KLRG2: variants seen among roughly 807,000 people sequenced by gnomAD.
KLRG2 encodes the protein killer cell lectin like receptor G2.
KLRG2 carries 39 observed loss-of-function variants against 35.4 expected under a neutral mutation model. The ratio of observed to expected loss-of-function variants is 1.10; its 90% CI spans 0.85 to 1.44. The LOEUF (loss-of-function observed/expected upper bound fraction) is 1.44, where lower values mean the gene tolerates loss of function less well. KLRG2 is among the 40% of genes most tolerant of loss of function. The probability of loss-of-function intolerance (pLI) is 0.00; values close to 1 mark genes in which losing one functional copy is unlikely to be tolerated. For synonymous variants in KLRG2, 283 were observed against 265.8 expected (o/e 1.06, Z -0.63); for missense variants, 632 against 570.9 (o/e 1.11, Z -1.09).
chr7:139,445,377 C>G, the KLRG2 span, among the ~76,000 whole-genome samples: 1 of 152,284 alleles, frequency 6.6e-6, no homozygotes, highest in South Asian at 2.1e-4. Context: ...GCTGGGCTGG[C>G]ATCATTCTAA....
chr7:139,480,278 T>A (rs768546510), intron 1 of KLRG2, 31 bp from the exon 2 acceptor site: 3 of 1,293,968 alleles, frequency 2.3e-6, no homozygotes, highest in Middle Eastern at 3.7e-4. Context: ...ATAATCAGAT[T>A]AGTGGAGACC....
the KLRG2 span, among the ~76,000 whole-genome samples, chr7:139,438,924 C>T: frequency 2.5e-5 from 3 of 121,432 alleles, no homozygotes; most frequent in South Asian, 1.1e-3. Flanking sequence ...ATCCCCTCCC[C>T]CCCCCCACCC....
intron 3 of KLRG2, among the ~76,000 whole-genome samples, chr7:139,456,698 G>T (rs1307628531): frequency 6.6e-6 from 1 of 152,118 alleles, no homozygotes; most frequent in Non-Finnish European, 1.5e-5. Flanking sequence ...CGTTGTCCAG[G>T]CTGGCCTTGA....
rs570750412 is a variant in KLRG2 at position 139,458,222 on chromosome 7, A to G, written c.1006-4008T>C. ...GTGAGACCCTGTCTCTACAAAAAATACAAATATTAACCAGGTGTGGTGGCA... is the reference window on the plus strand; with the variant it reads ...GTGAGACCCTGTCTCTACAAAAAATGCAAATATTAACCAGGTGTGGTGGCA... On this transcript the variant is annotated intron_variant, in intron 3 of 4. Coordinates refer to ENST00000340940, the MANE Select transcript of KLRG2 (RefSeq NM_198508.4). Among the ~76,000 whole-genome samples the G allele has an allele frequency of 7.2e-5, 11 of 152,156 alleles. No individual in the cohort carries two copies. The East Asian group carries it at 2.1e-3, about 29-fold the overall frequency.
intron 3 of KLRG2, among the ~76,000 whole-genome samples, chr7:139,478,075 G>GA (rs1181623603): frequency 6.9e-6 from 1 of 144,740 alleles, no homozygotes; most frequent in African/African-American, 2.5e-5. Flanking sequence ...TTTTTAAATG[G>GA]GGAAAAAAAA....
chr7:139,465,875 C>T (rs11766090), intron 3 of KLRG2, among the ~76,000 whole-genome samples: 11,005 of 152,042 alleles, frequency 0.072, 485 homozygotes, highest in Middle Eastern at 0.16. Context: ...CATCTGGCCA[C>T]TCCCACCTAC....
chr7:139,439,917 T>C, the KLRG2 span, among the ~76,000 whole-genome samples: 3 of 152,210 alleles, frequency 2.0e-5, no homozygotes, highest in African/African-American at 7.2e-5. Flanking sequence ...AAATTTATTC[T>C]GTCACAGTTC....
the KLRG2 span, among the ~76,000 whole-genome samples, chr7:139,446,795 ACCT>A: frequency 1.3e-5 from 2 of 150,446 alleles, no homozygotes; most frequent in Non-Finnish European, 3.0e-5. Flanking sequence ...CTGACATCCA[ACCT>A]CCTCCTCCTT....
Position 139,483,566 on chromosome 7 carries a change from A to G in KLRG2, c.77T>C (p.Val26Ala). The change falls in exon 1 of 5, where the codon GTC (valine) becomes GCC (alanine). Residue 26 changes from valine (V) to alanine (A), a missense_variant. Coordinates refer to ENST00000340940, the MANE Select transcript of KLRG2 (RefSeq NM_198508.4). ...CACCTGCGGCTGCTCCAGCGTGGGGACCAGGCTTCCCACGGGCTCCATTGG... is the reference window on the plus strand; with the variant it reads ...CACCTGCGGCTGCTCCAGCGTGGGGGCCAGGCTTCCCACGGGCTCCATTGG... ...ELPMEPVGSL[V>A]PTLEQPQVPA... 6.3e-7 allele frequency: 1 copy of G among 1,598,082 alleles called. No individual in the cohort carries two copies. Among genetic ancestry groups the G allele is most frequent in the Non-Finnish European group, 8.5e-7 (1 of 1,178,762 alleles).
chr7:139,468,221 G>A (rs1796699096), intron 3 of KLRG2, among the ~76,000 whole-genome samples: 1 of 152,016 alleles, frequency 6.6e-6, no homozygotes, highest in African/African-American at 2.4e-5. Flanking sequence ...GGAACTCAGA[G>A]GCTGGCGGGA....
At chr7:139,449,310 C>T (rs113217245), downstream of KLRG2, among the ~76,000 whole-genome samples, 4 of 139,288 alleles carry the variant, frequency 2.9e-5, no homozygotes, top group East Asian at 6.7e-4. Flanking sequence ...CTGAGGCAGG[C>T]GAATCACTGG....
At chr7:139,465,410 T>C (rs996129253) in intron 3 of KLRG2, among the ~76,000 whole-genome samples, 5 of 152,152 alleles carry the variant, frequency 3.3e-5, no homozygotes, top group Non-Finnish European at 5.9e-5. Flanking sequence ...GAGGCTAGAG[T>C]CACCGGGCGC....
At chr7:139,480,468 C>T (rs1585179041) in intron 1 of KLRG2, among the ~76,000 whole-genome samples, 1 of 100,686 alleles carries the variant, frequency 9.9e-6, no homozygotes, top group Non-Finnish European at 1.8e-5. Context: ...TTTTTGGAGA[C>T]AGAGTCTTGC....
intron 3 of KLRG2, among the ~76,000 whole-genome samples, chr7:139,457,118 C>T (rs1796491087): frequency 6.6e-6 from 1 of 152,180 alleles, no homozygotes; most frequent in African/African-American, 2.4e-5. Flanking sequence ...ATCCTAAAGA[C>T]CAGAGTGCAT....
At chr7:139,430,415 G>T in the KLRG2 span, among the ~76,000 whole-genome samples, 1 of 149,700 alleles carries the variant, frequency 6.7e-6, no homozygotes, top group Admixed American at 6.6e-5. Context: ...AAAAAAAAAA[G>T]TTAAAACTAT....
At chr7:139,467,340 C>CAT (rs1455257027) in intron 3 of KLRG2, among the ~76,000 whole-genome samples, 1 of 152,098 alleles carries the variant, frequency 6.6e-6, no homozygotes, top group Non-Finnish European at 1.5e-5. Context: ...GTGACCTGCA[C>CAT]ATATATATAC....
intron 3 of KLRG2, among the ~76,000 whole-genome samples, chr7:139,458,884 G>A (rs965385948): frequency 3.9e-5 from 6 of 152,196 alleles, no homozygotes; most frequent in African/African-American, 1.4e-4. Flanking sequence ...CCTGGCCCTG[G>A]TGCGTTCCTG....
the KLRG2 span, among the ~76,000 whole-genome samples, chr7:139,436,431 C>T: frequency 9.2e-5 from 14 of 152,286 alleles, no homozygotes; most frequent in African/African-American, 2.2e-4. Context: ...GGTCCAGAGG[C>T]GGGTGCCTGA....
chr7:139,427,895 C>G, the KLRG2 span, among the ~76,000 whole-genome samples: 1 of 152,144 alleles, frequency 6.6e-6, no homozygotes, highest in Non-Finnish European at 1.5e-5. Flanking sequence ...TGTGGTTACT[C>G]GAAGGGACCA....
Sources: allele counts gnomAD v4.1 joint callset (sites outside exome capture counted in the v4.1 genomes callset), GRCh38; gene constraint gnomAD v4.1.1; transcripts MANE v1.5; gene names NCBI Gene and HGNC (gene_info 2026-07-23, HGNC 2026-07-21).